The following NCOA1 variants were observed in gnomAD, a reference collection of about 807,000 sequenced individuals.
The protein encoded by NCOA1 is nuclear receptor coactivator 1, also known as Hin-2 protein.
In NCOA1, 35 loss-of-function variants were observed where a neutral mutation model predicts 150.9. The observed-to-expected ratio is 0.23, with a 90% CI of 0.18 to 0.31. The LOEUF (loss-of-function observed/expected upper bound fraction) is 0.31. Among genes scored for constraint, NCOA1 ranks in the 10% least tolerant of loss-of-function variants. The pLI is 1.00. For synonymous variants in NCOA1, 590 were observed against 630.0 expected (o/e 0.94, Z 0.95); for missense variants, 1,491 against 1,749.3 (o/e 0.85, Z 2.63).
At position 24,705,126 on chromosome 2, in the gene NCOA1, C is replaced by G. The variant is rs1673354053; in HGVS notation, c.990C>G (p.Phe330Leu). 2 of 1,614,084 alleles carry G rather than the reference C, an allele frequency of 1.2e-6. No individual in the cohort carries two copies. The highest frequency in any genetic ancestry group is 1.7e-6 in the Non-Finnish European group (2 of 1,179,958). ...CTGCCTCCAGCCCCTCCTATAGATT[C>G]ATATTGAATGATGGGACAATGCTTA... is the stretch of plus-strand genomic sequence containing the variant. ...RGTASSPSYR[F>L]ILNDGTMLSA... is the part of the protein sequence containing the mutation. Residue 330 changes from phenylalanine to leucine, a missense_variant, in exon 12 of 23, where the codon TTC becomes TTG. Physicochemically the swap from Phe to Leu is conservative, Grantham distance 22. Coordinates refer to ENST00000348332, the MANE Select transcript of NCOA1 (RefSeq NM_003743.5).
In NCOA1 at chr2:24,665,904, G is replaced by C; in HGVS notation, c.245G>C (p.Arg82Thr). The change falls in exon 6 of 23, where the codon AGA (arginine) becomes ACA (threonine). Residue 82 changes from arginine to threonine, a missense_variant. Arg to Thr is a moderately conservative substitution (Grantham distance 71). Coordinates refer to ENST00000348332, the MANE Select transcript of NCOA1 (RefSeq NM_003743.5). ...GTCGATCAGATACAGCTAATGAAGA[G>C]AATGGAACAAGGTAAAAAAGAAAAA... Reference protein sequence around the residue: ...KTVDQIQLMKRMEQEKSTTDD... With the variant: ...KTVDQIQLMKTMEQEKSTTDD... The C allele has an allele frequency of 6.6e-7, 1 of 1,517,880 alleles. No individual in the cohort carries two copies. Among genetic ancestry groups the C allele is most frequent in the Non-Finnish European group, 8.8e-7 (1 of 1,130,926 alleles). 94.0% of individuals were successfully genotyped at this position (1,517,880 alleles called of 1,614,324 possible).
intron 4 of NCOA1, among the ~76,000 whole-genome samples, chr2:24,654,333 C>T (rs556116613): frequency 2.0e-5 from 3 of 152,280 alleles, no homozygotes; most frequent in South Asian, 4.1e-4. Flanking sequence ...CCTTCCTCTC[C>T]AGTCACCCCC....
At chr2:24,622,305 G>A (rs1669204332) in intron 3 of NCOA1, among the ~76,000 whole-genome samples, 1 of 152,038 alleles carries the variant, frequency 6.6e-6, no homozygotes, top group Non-Finnish European at 1.5e-5. Flanking sequence ...TTTGTTGTGG[G>A]GACTGTACTT....
intron 13 of NCOA1, among the ~76,000 whole-genome samples, chr2:24,710,510 A>G (rs1673694023): frequency 6.6e-6 from 1 of 152,244 alleles, no homozygotes; most frequent in South Asian, 2.1e-4. Context: ...TTTTTAAATT[A>G]TAAAATAGTT....
At chr2:24,526,077 T>G (rs962076709) in intron 1 of NCOA1, among the ~76,000 whole-genome samples, 3 of 152,228 alleles carry the variant, frequency 2.0e-5, no homozygotes, top group African/African-American at 7.2e-5. Context: ...TTTCCTGGCC[T>G]AATTGTTTCT....
chr2:24,605,836 A>G (rs1572480386), intron 3 of NCOA1, among the ~76,000 whole-genome samples: 1 of 152,226 alleles, frequency 6.6e-6, no homozygotes, highest in Non-Finnish European at 1.5e-5. Context: ...AAAATCTGCC[A>G]TGCATCATCA....
intron 1 of NCOA1, among the ~76,000 whole-genome samples, chr2:24,560,422 T>A (rs188928061): frequency 2.0e-5 from 3 of 152,262 alleles, no homozygotes; most frequent in Admixed American, 2.0e-4. Flanking sequence ...GAAGTTTTGA[T>A]TCTATGGATA....
At chr2:24,724,885 AAAGT>A (rs1003328544) in intron 14 of NCOA1, among the ~76,000 whole-genome samples, 10 of 152,232 alleles carry the variant, frequency 6.6e-5, no homozygotes, top group Admixed American at 6.5e-5. Context: ...ATAATGACAG[AAAGT>A]AAGTGATTAT....
Position 24,545,014 on chromosome 2 carries a change from C to T in NCOA1, c.-395-19281C>T, listed in dbSNP as rs554048974. Among the ~76,000 whole-genome samples the T allele has an allele frequency of 2.6e-5, 4 of 152,206 alleles. No homozygotes were observed. In the South Asian group the frequency reaches 8.3e-4, roughly 32 times the overall value. Reference sequence around the variant, plus strand: ...ACACACATTTACCTTAATATTGATACAGATTCAGAAATAAATACAGATATG... The same window carrying T: ...ACACACATTTACCTTAATATTGATATAGATTCAGAAATAAATACAGATATG... On this transcript the variant is annotated intron_variant, in intron 1 of 22. Transcript: ENST00000348332.
intron 3 of NCOA1, among the ~76,000 whole-genome samples, chr2:24,607,388 A>G (rs996588483): frequency 4.6e-5 from 7 of 152,130 alleles, no homozygotes; most frequent in African/African-American, 1.4e-4. Context: ...TTTTGCATCT[A>G]TGATCAAGAG....
chr2:24,612,414 C>G (rs1668669271), intron 3 of NCOA1, among the ~76,000 whole-genome samples: 1 of 152,076 alleles, frequency 6.6e-6, no homozygotes, highest in Admixed American at 6.5e-5. Flanking sequence ...CTCTGAATTT[C>G]TTGTATCTGA....
At chr2:24,737,123 C>T (rs941855693) in intron 17 of NCOA1, among the ~76,000 whole-genome samples, 2 of 152,168 alleles carry the variant, frequency 1.3e-5, no homozygotes, top group Non-Finnish European at 2.9e-5. Context: ...CCTCCCACTC[C>T]CCACCTCTCT....
intron 3 of NCOA1, among the ~76,000 whole-genome samples, chr2:24,603,553 T>TTCAC (rs1314450609): frequency 6.6e-6 from 1 of 152,262 alleles, no homozygotes; most frequent in Non-Finnish European, 1.5e-5. Flanking sequence ...TTCACCAATG[T>TTCAC]TCACACAGTA....
chr2:24,620,227 C>A (rs1330579091), intron 3 of NCOA1, among the ~76,000 whole-genome samples: 1 of 152,214 alleles, frequency 6.6e-6, no homozygotes, highest in African/African-American at 2.4e-5. Context: ...TTTCAGATTT[C>A]TATTTTCATT....
intron 1 of NCOA1, chr2:24,492,030 T>C (rs1338709869): frequency 6.6e-6 from 1 of 151,898 alleles, no homozygotes; most frequent in African/African-American, 2.4e-5. Context: ...GACGACGCCG[T>C]GACCTTGGCC....
intron 1 of NCOA1, among the ~76,000 whole-genome samples, chr2:24,527,552 C>A (rs1297947281): frequency 6.6e-6 from 1 of 152,114 alleles, no homozygotes; most frequent in Non-Finnish European, 1.5e-5. Context: ...GTTTTTTATT[C>A]ATTTGTTCAT....
chr2:24,681,860 G>A (rs543272621), intron 7 of NCOA1, among the ~76,000 whole-genome samples: 1 of 152,002 alleles, frequency 6.6e-6, no homozygotes. Context: ...GACTACAGGC[G>A]TCCGCTACCA....
chr2:24,520,975 CTTT>C (rs879901767), intron 1 of NCOA1, among the ~76,000 whole-genome samples: 1 of 145,148 alleles, frequency 6.9e-6, no homozygotes. Flanking sequence ...TTTGCTTTAG[CTTT>C]TTTTTTTTGA....
At chr2:24,696,718 C>T (rs1160317038) in intron 10 of NCOA1, among the ~76,000 whole-genome samples, 1 of 151,976 alleles carries the variant, frequency 6.6e-6, no homozygotes. Flanking sequence ...ATTGTAATGG[C>T]AAAAAACCGA....
Sources: gnomAD v4.1 joint callset for allele counts (sites outside exome capture counted in the v4.1 genomes callset) on GRCh38, gnomAD v4.1.1 for gene constraint, MANE v1.5 for transcripts, NCBI Gene and HGNC (gene_info 2026-07-23, HGNC 2026-07-21) for gene names.